RFX1: variants seen among roughly 807,000 people sequenced by gnomAD.
The protein encoded by RFX1 is MHC class II regulatory factor RFX1.
A neutral mutation model predicts 119.6 loss-of-function variants in RFX1; 42 were observed. That is an observed-to-expected ratio of 0.35 (90% CI 0.27 to 0.45). RFX1 has a LOEUF of 0.45. Ranked by LOEUF, RFX1 falls within the 20% of genes least tolerant of loss-of-function variation. The pLI is 1.00. For missense variants in RFX1, 1,118 were observed against 1,368.1 expected, an observed-to-expected ratio of 0.82 and a Z score of 2.88; for synonymous variants, 628 against 618.5, an observed-to-expected ratio of 1.02 and a Z score of -0.23.
At chr19:13,972,692 C>G in intron 9 of RFX1, 51 bp downstream of exon 9, 1 of 1,448,418 alleles carries the variant, frequency 6.9e-7, no homozygotes, top group Non-Finnish European at 9.4e-7. Flanking sequence ...CTTCTAGTGC[C>G]CACCACCCAC....
intron 2 of RFX1, among the ~76,000 whole-genome samples, chr19:13,988,587 T>C (rs1974691181): frequency 6.6e-6 from 1 of 152,224 alleles, no homozygotes; most frequent in African/African-American, 2.4e-5. Context: ...ACATGATGGC[T>C]GTGCTAGGTG....
At chr19:13,983,340 G>A (rs778926717) in intron 3 of RFX1, 70 bp from the exon 4 acceptor site, 156 of 1,363,296 alleles carry the variant, frequency 1.1e-4, no homozygotes, top group Admixed American at 4.7e-4. Context: ...TTGGGTGGCG[G>A]GCGGCTGCTG....
At chr19:13,988,696 C>A (rs539970281) in intron 2 of RFX1, among the ~76,000 whole-genome samples, 8 of 151,948 alleles carry the variant, frequency 5.3e-5, no homozygotes, top group Non-Finnish European at 1.2e-4. Context: ...CCCCCACCAT[C>A]CCATTATTGT....
chr19:13,985,889 G>C lies in RFX1; in HGVS notation c.320-2294C>G, dbSNP rs1974577050. Among the ~76,000 whole-genome samples, 1 of 152,172 alleles carries C rather than the reference G, an allele frequency of 6.6e-6. No homozygotes were observed. Among genetic ancestry groups the C allele is most frequent in the Non-Finnish European group, 1.5e-5 (1 of 68,028 alleles). ...TGTGTGTTGGGGGCGGGGGTTGCCA[G>C]ATGTGGGAGGTGTTGGGGGAGGCCT... On this transcript the variant is annotated intron_variant, in intron 2 of 20. Transcript: ENST00000254325. The surrounding 1 kb of genome is among the most constrained non-coding windows in gnomAD (Gnocchi z 4.3).
Position 13,965,870 on chromosome 19 carries a change from A to G in RFX1, c.1962-93T>C. The G allele has an allele frequency of 6.9e-7, 1 of 1,449,384 alleles. No homozygotes were observed. Among genetic ancestry groups the G allele is most frequent in the Non-Finnish European group, 9.4e-7 (1 of 1,059,198 alleles). The allele number at this position is 1,449,384 out of a possible 1,614,324, so 89.8% of individuals were successfully genotyped here. ...AACAGGTAGCCCCTGTCCCTGACCC[A>G]GGGTCACTGGGGTACTCTGTGGTTC... On this transcript the variant is annotated intron_variant, in intron 14 of 20. Coordinates refer to ENST00000254325, the MANE Select transcript of RFX1 (RefSeq NM_002918.5). This position sits in a 1 kb window ranked among gnomAD's most constrained non-coding sequence, Gnocchi z 4.7.
At chr19:13,995,897 G>T (rs901744651) in intron 1 of RFX1, among the ~76,000 whole-genome samples, 1 of 149,874 alleles carries the variant, frequency 6.7e-6, no homozygotes, top group Admixed American at 6.7e-5. Context: ...GAGTGGTGGC[G>T]CGCACCTGTA....
rs559580444 is a variant in RFX1, at chr19:13,994,689, T to C, written c.-52-794A>G. Among the ~76,000 whole-genome samples, 4 of 149,438 alleles carry C rather than the reference T, an allele frequency of 2.7e-5. No homozygotes were observed. In the Admixed American group the frequency reaches 2.7e-4, roughly 10 times the overall value. ...AAGATTGCACCACTGTACTCCAGCCTGGGAGACCCAAGACTCTGTCTAAAT... is the reference window on the plus strand; with the variant it reads ...AAGATTGCACCACTGTACTCCAGCCCGGGAGACCCAAGACTCTGTCTAAAT... On this transcript the variant is annotated intron_variant, in intron 1 of 20. Coordinates refer to ENST00000254325, the MANE Select transcript of RFX1 (RefSeq NM_002918.5).
Position 13,963,967 on chromosome 19 carries a change from T to C in RFX1, c.2252A>G (p.Tyr751Cys). 2 of 1,541,274 alleles carry C rather than the reference T, an allele frequency of 1.3e-6. No homozygotes were observed. The highest frequency in any genetic ancestry group is 1.7e-6 in the Non-Finnish European group (2 of 1,147,300). Residue 751 changes from tyrosine (Y) to cysteine (C), a missense_variant, in exon 17 of 21, where the codon TAC (tyrosine) becomes TGC (cysteine). Physicochemically the swap from Tyr to Cys is radical, Grantham distance 194. This residue lies in a region of RFX1 where 338 missense variants were observed against 508.9 expected (regional missense o/e 0.66). Coordinates refer to ENST00000254325, the MANE Select transcript of RFX1 (RefSeq NM_002918.5). ...AGAFAQTLRR[Y>C]TSLNHLAQAA... ...CTGCGCCAGGTGGTTGAGCGACGTG[T>C]AGCGCCGCAGTGTCTGCGCGAAGGC... is the stretch of plus-strand genomic sequence containing the variant.
Position 13,979,484 on chromosome 19 carries a change from GTCAGCGGC to G in RFX1, c.789_796del (p.Gln263HisfsTer182). On this transcript the variant is annotated frameshift_variant, in exon 7 of 21. Transcript: ENST00000254325. LOFTEE classifies it high-confidence loss of function. ...GTGGACTGGCTGGAGGCCCTGCACG[GTCAGCGGC>G]TGCACCGGGCCGGGTTTGGGCGCTT... 6.2e-7 allele frequency: 1 copy of G among 1,601,136 alleles called. No homozygotes were observed.
In RFX1 at chr19:13,985,033, G is replaced by A. The variant is rs371715093; in HGVS notation, c.320-1438C>T. On this transcript the variant is annotated intron_variant, in intron 2 of 20. Transcript: ENST00000254325. This position sits in a 1 kb window ranked among gnomAD's most constrained non-coding sequence, Gnocchi z 4.3. ...GCACCACCATGTCCGGCTAATTTTT[G>A]TATTTTTAATAGGGACTGGGGTCTT... Among the ~76,000 whole-genome samples the A allele has an allele frequency of 6.6e-6, 1 of 152,098 alleles. No individual in the cohort carries two copies. The highest frequency in any genetic ancestry group is 6.6e-5 in the Admixed American group (1 of 15,256).
At position 13,983,493 on chromosome 19, in the gene RFX1, G is replaced by A. The variant is rs144348762; in HGVS notation, c.422C>T (p.Thr141Ile). 335 of 1,606,566 alleles carry A rather than the reference G, an allele frequency of 2.1e-4. No homozygotes were observed. The highest frequency in any genetic ancestry group is 2.7e-4 in the Non-Finnish European group (318 of 1,177,772). ...GGGAGGGCCACATCCTACCTGCTGG[G>A]TGCCCTGCACCTGCTGAACCACCTG... The part of the protein sequence containing the change: ...PTQVVQQVQG[T>I]QQRLLVQTSV... Residue 141 changes from threonine to isoleucine, a missense_variant, in exon 3 of 21, where the codon ACC becomes ATC. Physicochemically the swap from Thr to Ile is moderately conservative, Grantham distance 89 (BLOSUM62 -1). Coordinates refer to ENST00000254325, the MANE Select transcript of RFX1 (RefSeq NM_002918.5).
intron 2 of RFX1, among the ~76,000 whole-genome samples, chr19:13,993,188 G>A (rs1974863137): frequency 2.0e-5 from 3 of 152,128 alleles, no homozygotes. Flanking sequence ...TCAGCTACTT[G>A]GGAGGCTGAG....
Position 13,993,547 on chromosome 19 carries a change from C to A in RFX1, c.297G>T (p.Gln99His), listed in dbSNP as rs1294507727. Reference sequence around the variant, plus strand: ...TACCAGAGACAGTGACCACGATGTACTGCTGGGGTGCAGGCGAAGGGGTGG... The same window carrying A: ...TACCAGAGACAGTGACCACGATGTAATGCTGGGGTGCAGGCGAAGGGGTGG... ...GAPTPSPAPQ[Q>H]YIVVTVSEGA... Residue 99 changes from glutamine to histidine, a missense_variant, in exon 2 of 21, where the codon CAG becomes CAT. Physicochemically the swap from Gln to His is conservative, Grantham distance 24. Around this residue, in one of 5 missense-constraint regions of RFX1, gnomAD observed 542 missense variants for 602.7 expected, o/e 0.90. Coordinates refer to ENST00000254325, the MANE Select transcript of RFX1 (RefSeq NM_002918.5). The A allele has an allele frequency of 6.2e-7, 1 of 1,612,938 alleles. No individual in the cohort carries two copies. The highest frequency in any genetic ancestry group is 8.5e-7 in the Non-Finnish European group (1 of 1,179,552).
At position 13,986,611 on chromosome 19, in the gene RFX1, C is replaced by G. The variant is rs572144556; in HGVS notation, c.320-3016G>C. ...TCTGCGAGCGAGCGTCTGCATCTAT[C>G]TGCCGGAGATCGCCACTCTGGGCAT... On this transcript the variant is annotated intron_variant, in intron 2 of 20. Coordinates refer to ENST00000254325, the MANE Select transcript of RFX1 (RefSeq NM_002918.5). This position sits in a 1 kb window ranked among gnomAD's most constrained non-coding sequence, Gnocchi z 4.2. 1.3e-5 allele frequency among the ~76,000 whole-genome samples: 2 copies of G among 152,286 alleles called. No homozygotes were observed. Among genetic ancestry groups the G allele is most frequent in the East Asian group, 3.9e-4 (2 of 5,184 alleles).
At chr19:13,979,373 CAGGGGCCTGCA>C in intron 7 of RFX1, 63 bp downstream of exon 7, 1 of 1,013,118 alleles carries the variant, frequency 9.9e-7, no homozygotes, top group East Asian at 2.8e-5. Flanking sequence ...CCTGCGGCCT[CAGGGGCCTGCA>C]CTCCCCAGCC....
chr19:13,967,772 C>T (rs1234249796), intron 12 of RFX1, among the ~76,000 whole-genome samples: 1 of 152,166 alleles, frequency 6.6e-6, no homozygotes, highest in South Asian at 2.1e-4. Context: ...ACCACTGCAC[C>T]AGGCCTTACT....
intron 8 of RFX1, among the ~76,000 whole-genome samples, chr19:13,976,689 G>A (rs1042925875): frequency 2.6e-5 from 4 of 152,220 alleles, no homozygotes; most frequent in South Asian, 4.1e-4. Flanking sequence ...AATGTCCTGC[G>A]TCTATTTCTG....
intron 1 of RFX1, among the ~76,000 whole-genome samples, chr19:13,997,963 T>G (rs750304733): frequency 6.6e-6 from 1 of 152,072 alleles, no homozygotes; most frequent in Non-Finnish European, 1.5e-5. Context: ...CTGCCAGCAT[T>G]AGAGGGGTGG....
At chr19:13,993,219 T>C (rs891816408) in intron 2 of RFX1, among the ~76,000 whole-genome samples, 1 of 152,140 alleles carries the variant, frequency 6.6e-6, no homozygotes, top group African/African-American at 2.4e-5. Context: ...TGCTTGAGCC[T>C]GGAGGGTTGA....
Sources: allele counts gnomAD v4.1 joint callset (sites outside exome capture counted in the v4.1 genomes callset), GRCh38; gene constraint gnomAD v4.1.1; regional missense constraint gnomAD v4.1.1; non-coding constraint Gnocchi (gnomAD v3.1); transcripts MANE v1.5; gene names NCBI Gene and HGNC (gene_info 2026-07-23, HGNC 2026-07-21).